The following CADM1 variants were observed in gnomAD, a reference collection of about 807,000 sequenced individuals.
The protein encoded by CADM1 is cell adhesion molecule 1, also known as TSLC-1.
CADM1 carries 15 observed loss-of-function variants against 53.1 expected under a neutral mutation model. The ratio of observed to expected loss-of-function variants is 0.28; its 90% CI spans 0.19 to 0.44. CADM1 has a LOEUF of 0.44. Ranked by LOEUF, CADM1 falls within the 20% of genes least tolerant of loss-of-function variation. The pLI is 1.00. For synonymous variants in CADM1, 281 were observed against 243.0 expected, an observed-to-expected ratio of 1.16 and a Z score of -1.45; for missense variants, 434 against 611.3, an observed-to-expected ratio of 0.71 and a Z score of 3.06.
Position 115,402,869 on chromosome 11 carries a change from T to C in CADM1, c.124+101402A>G, listed in dbSNP as rs146053923. 1.7e-3 allele frequency among the ~76,000 whole-genome samples: 255 copies of C among 152,266 alleles called. 3 individuals are homozygous for C. The highest frequency in any genetic ancestry group is 5.8e-3 in the African/African-American group (241 of 41,552). ...GCTAGCAGAGATGTAGAAGTAGATT[T>C]ATAAATCAGTACAGAGGTAAACATA... On this transcript the variant is annotated intron_variant, in intron 1 of 11. Coordinates refer to ENST00000331581, the MANE Select transcript of CADM1 (RefSeq NM_001301043.2).
Position 115,186,647 on chromosome 11 carries a change from C to T in CADM1, c.1165+4241G>A, listed in dbSNP as rs60940073. ...CAGTTTCCTCATTTATAAATGGAGA[C>T]CAAGAGCCCTTCCTTAACAATCTCA... On this transcript the variant is annotated intron_variant, in intron 10 of 11. Coordinates refer to ENST00000331581, the MANE Select transcript of CADM1 (RefSeq NM_001301043.2). Among the ~76,000 whole-genome samples the T allele has an allele frequency of 1.6e-3, 244 of 152,256 alleles. 1 individual carries two copies. Among genetic ancestry groups the T allele is most frequent in the African/African-American group, 5.6e-3 (234 of 41,538 alleles).
At chr11:115,325,714 G>C (rs1216077941) in intron 1 of CADM1, among the ~76,000 whole-genome samples, 1 of 152,120 alleles carries the variant, frequency 6.6e-6, no homozygotes, top group African/African-American at 2.4e-5. Context: ...CAAGCCTGCA[G>C]AATGCCAGGC....
At chr11:115,273,638 T>TA (rs113762278) in intron 1 of CADM1, among the ~76,000 whole-genome samples, 19 of 149,940 alleles carry the variant, frequency 1.3e-4, no homozygotes, top group Admixed American at 2.7e-4. Flanking sequence ...TCATCGTGTT[T>TA]AAAAAAAAAA....
At chr11:115,390,631 T>A (rs1027854409) in intron 1 of CADM1, among the ~76,000 whole-genome samples, 10 of 139,454 alleles carry the variant, frequency 7.2e-5, no homozygotes, top group Non-Finnish European at 1.5e-4. Flanking sequence ...CATTTTCTAA[T>A]AGGTTCCCGG....
chr11:115,180,916 C>T (rs1049644447), intron 10 of CADM1, among the ~76,000 whole-genome samples: 3 of 152,040 alleles, frequency 2.0e-5, no homozygotes, highest in African/African-American at 4.8e-5. Flanking sequence ...ATGTGTCTTT[C>T]GATGAACTCT....
chr11:115,453,771 C>T (rs10502202), intron 1 of CADM1, among the ~76,000 whole-genome samples: 39,855 of 152,016 alleles, frequency 0.26, 5,849 homozygotes, highest in East Asian at 0.52. Context: ...AACTTACTTT[C>T]TTATCACAAA....
At chr11:115,497,333 C>T (rs1197896126) in intron 1 of CADM1, among the ~76,000 whole-genome samples, 2 of 152,188 alleles carry the variant, frequency 1.3e-5, no homozygotes, top group Non-Finnish European at 2.9e-5. Context: ...TTTCTCCCAC[C>T]TTATCTCCCT....
In CADM1 at chr11:115,308,537, T is replaced by C. The variant is rs554273040; in HGVS notation, c.125-68117A>G. On this transcript the variant is annotated intron_variant, in intron 1 of 11. Transcript: ENST00000331581. The stretch of plus-strand genomic sequence containing the variant: ...TTTCATGCAAAGCTGATCTGTGATA[T>C]GGCACGTCTGCAAAACAGTAGTGTT... 5.3e-5 allele frequency among the ~76,000 whole-genome samples: 8 copies of C among 152,162 alleles called. No homozygotes were observed. The South Asian group carries it at 8.3e-4, about 16-fold the overall frequency.
chr11:115,329,950 C>A (rs750119675), intron 1 of CADM1, among the ~76,000 whole-genome samples: 1 of 151,282 alleles, frequency 6.6e-6, no homozygotes, highest in African/African-American at 2.4e-5. Flanking sequence ...TTCTCTACCA[C>A]GTCACTGCTG....
intron 1 of CADM1, among the ~76,000 whole-genome samples, chr11:115,461,018 C>T (rs965269736): frequency 5.9e-5 from 9 of 152,216 alleles, no homozygotes; most frequent in Middle Eastern, 3.4e-3. Flanking sequence ...AGCCTGCTAA[C>T]CAACCTGAAG....
In CADM1 at chr11:115,174,694, A is replaced by T; in HGVS notation, c.*1780T>A. On this transcript the variant is annotated 3_prime_UTR_variant, in exon 12 of 12. Transcript: ENST00000331581. ...TCCACATAATGTAACAATAGTAAAA[A>T]TGCACCTTGCAAAATCCAAAATTAC... 1 of 975,464 alleles carries T rather than the reference A, an allele frequency of 1.0e-6. No individual in the cohort carries two copies. The highest frequency in any genetic ancestry group is 4.7e-5 in the South Asian group (1 of 21,100). 60.4% of individuals were successfully genotyped at this position (975,464 alleles called of 1,614,324 possible).
chr11:115,480,317 G>C (rs1298495615), intron 1 of CADM1, among the ~76,000 whole-genome samples: 1 of 152,064 alleles, frequency 6.6e-6, no homozygotes, highest in Admixed American at 6.5e-5. Context: ...ATAATGAGTG[G>C]GATTTACTAA....
intron 1 of CADM1, among the ~76,000 whole-genome samples, chr11:115,460,959 G>A (rs1948782531): frequency 6.6e-6 from 1 of 152,054 alleles, no homozygotes; most frequent in African/African-American, 2.4e-5. Flanking sequence ...TAAATAGAAA[G>A]GCTCCAAAAA....
At chr11:115,426,904 T>C (rs1947907427) in intron 1 of CADM1, among the ~76,000 whole-genome samples, 2 of 152,136 alleles carry the variant, frequency 1.3e-5, no homozygotes, top group South Asian at 2.1e-4. Flanking sequence ...TCCTGGCATG[T>C]ATATTAACAA....
chr11:115,357,114 C>A (rs1476129937), intron 1 of CADM1, among the ~76,000 whole-genome samples: 3 of 152,232 alleles, frequency 2.0e-5, no homozygotes, highest in Non-Finnish European at 4.4e-5. Flanking sequence ...GGAACAAAAT[C>A]TCCAATATGA....
At chr11:115,266,976 T>C (rs946762081) in intron 1 of CADM1, among the ~76,000 whole-genome samples, 1 of 152,268 alleles carries the variant, frequency 6.6e-6, no homozygotes, top group African/African-American at 2.4e-5. Context: ...ATGGGTTTTC[T>C]CCATTCTTTA....
intron 1 of CADM1, among the ~76,000 whole-genome samples, chr11:115,372,531 T>A (rs190116294): frequency 1.3e-5 from 2 of 152,202 alleles, no homozygotes; most frequent in East Asian, 3.9e-4. Flanking sequence ...TGCCTCCCTC[T>A]CAAGAACATT....
At chr11:115,326,021 G>C (rs45604333) in intron 1 of CADM1, among the ~76,000 whole-genome samples, 137 of 152,182 alleles carry the variant, frequency 9.0e-4, no homozygotes, top group Non-Finnish European at 1.5e-3. Flanking sequence ...ACTCAGAGGG[G>C]CAAAACATTA....
At chr11:115,288,404 T>G (rs926296739) in intron 1 of CADM1, among the ~76,000 whole-genome samples, 2 of 152,108 alleles carry the variant, frequency 1.3e-5, no homozygotes, top group Admixed American at 6.5e-5. Flanking sequence ...GCTTATTTTA[T>G]GAAATCAACA....
Sources: gnomAD v4.1 joint callset for allele counts (sites outside exome capture counted in the v4.1 genomes callset) on GRCh38, gnomAD v4.1.1 for gene constraint, MANE v1.5 for transcripts, NCBI Gene and HGNC (gene_info 2026-07-23, HGNC 2026-07-21) for gene names.